Variants in SPATA17 observed in about 807,000 individuals in gnomAD.
The protein encoded by SPATA17 is spermatogenesis associated 17.
Under a neutral mutation model 62.2 loss-of-function variants are expected in SPATA17, and 53 were observed. The observed-to-expected ratio is 0.85, with a 90% CI of 0.68 to 1.07. The LOEUF (loss-of-function observed/expected upper bound fraction) is 1.07, where lower values mean the gene tolerates loss of function less well. Ranked by LOEUF, SPATA17 falls within the 50% of genes least tolerant of loss-of-function variation. SPATA17 has a pLI of 0.00. For missense variants in SPATA17, 466 were observed against 425.5 expected, an observed-to-expected ratio of 1.10 and a Z score of -0.84; for synonymous variants, 146 against 146.8, an observed-to-expected ratio of 0.99 and a Z score of 0.04.
chr1:217,680,922 T>TAA lies in SPATA17; in HGVS notation c.292-2313_292-2312dup, dbSNP rs71166016. 3.1e-3 allele frequency among the ~76,000 whole-genome samples: 181 copies of TAA among 58,140 alleles called. 1 individual carries two copies. The highest frequency in any genetic ancestry group is 4.4e-3 in the Non-Finnish European group (143 of 32,246). The allele number at this position is 58,140 out of a possible 152,430, so 38.1% of individuals were successfully genotyped here. ...ACTGGGTGACAGAGTGAGACTCTGT[T>TAA]AAAAAAAAAAAAAAAAAAAAAAAAG... On this transcript the variant is annotated intron_variant, in intron 4 of 10. Transcript: ENST00000366933.
chr1:217,740,187 A>G (rs970530148), intron 5 of SPATA17, among the ~76,000 whole-genome samples: 2 of 131,370 alleles, frequency 1.5e-5, no homozygotes, highest in Admixed American at 1.6e-4. Flanking sequence ...AGACCTTTTC[A>G]TATTTATTAA....
At chr1:217,708,733 A>G (rs1671793259) in intron 5 of SPATA17, among the ~76,000 whole-genome samples, 2 of 152,172 alleles carry the variant, frequency 1.3e-5, no homozygotes. Context: ...ACAACAAAAA[A>G]AAAAACTTCA....
intron 5 of SPATA17, among the ~76,000 whole-genome samples, chr1:217,715,986 G>A (rs184234031): frequency 4.1e-4 from 62 of 152,174 alleles, no homozygotes; most frequent in African/African-American, 1.4e-3. Context: ...AATATGCGTC[G>A]AGTTTCTAGG....
chr1:217,727,857 A>C (rs1672305197), intron 5 of SPATA17, among the ~76,000 whole-genome samples: 2 of 152,216 alleles, frequency 1.3e-5, no homozygotes, highest in African/African-American at 4.8e-5. Flanking sequence ...CAAGTTACTT[A>C]CTATCTCTGC....
At chr1:217,775,397 C>T (rs919526308) in intron 7 of SPATA17, among the ~76,000 whole-genome samples, 2 of 152,094 alleles carry the variant, frequency 1.3e-5, no homozygotes, top group East Asian at 1.9e-4. Flanking sequence ...TACTCTGTTA[C>T]AGTGTCTTGC....
At chr1:217,850,738 T>C (rs1675631790) in intron 9 of SPATA17, 1 of 792,604 alleles carries the variant, frequency 1.3e-6, no homozygotes, top group Admixed American at 2.9e-5. Flanking sequence ...CCCTCCAGAA[T>C]ATTTTATTCA....
At chr1:217,678,205 C>CTTT (rs974715757) in intron 4 of SPATA17, among the ~76,000 whole-genome samples, 85 of 107,498 alleles carry the variant, frequency 7.9e-4, no homozygotes, top group East Asian at 1.1e-3. Flanking sequence ...CTTTTCTTTT[C>CTTT]TTTTTTTTTT....
intron 9 of SPATA17, among the ~76,000 whole-genome samples, chr1:217,849,541 A>G (rs556371579): frequency 1.3e-5 from 2 of 151,790 alleles, no homozygotes; most frequent in South Asian, 4.2e-4. Flanking sequence ...ATTAAGAAAT[A>G]AAAAAAAATT....
chr1:217,774,790 G>T (rs1673548616), intron 7 of SPATA17, among the ~76,000 whole-genome samples: 1 of 152,080 alleles, frequency 6.6e-6, no homozygotes, highest in Non-Finnish European at 1.5e-5. Flanking sequence ...TTAGCACGAT[G>T]TTCTTAAAGT....
At chr1:217,657,705 G>A (rs943548714) in intron 3 of SPATA17, among the ~76,000 whole-genome samples, 3 of 151,810 alleles carry the variant, frequency 2.0e-5, no homozygotes, top group Non-Finnish European at 2.9e-5. Context: ...TAAAACTTTA[G>A]TAATAGAACC....
chr1:217,761,011 A>G (rs1215496044), intron 6 of SPATA17, among the ~76,000 whole-genome samples: 1 of 152,190 alleles, frequency 6.6e-6, no homozygotes, highest in African/African-American at 2.4e-5. Context: ...ATACGTAGAA[A>G]TGGTGCATAA....
chr1:217,821,297 T>C (rs746515711), intron 9 of SPATA17, among the ~76,000 whole-genome samples: 1 of 151,962 alleles, frequency 6.6e-6, no homozygotes, highest in Non-Finnish European at 1.5e-5. Context: ...AGGAGAAGTT[T>C]TGAGGAATGC....
At position 217,676,319 on chromosome 1, in the gene SPATA17, T is replaced by C. The variant is rs148975510; in HGVS notation, c.292-6939T>C. Among the ~76,000 whole-genome samples the C allele has an allele frequency of 3.3e-5, 5 of 152,252 alleles. No individual in the cohort carries two copies. In the East Asian group the frequency reaches 9.6e-4, roughly 29 times the overall value. ...TGTAACAAATGATAACAAAGAGAAT[T>C]TGTCATTTCTTTGCTGGTTGAAGTC... On this transcript the variant is annotated intron_variant, in intron 4 of 10. Coordinates refer to ENST00000366933, the MANE Select transcript of SPATA17 (RefSeq NM_138796.4).
rs1429775089 is a variant in SPATA17, at chr1:217,801,833, A to T, written c.988A>T (p.Lys330Ter). 6.2e-6 allele frequency: 10 copies of T among 1,608,000 alleles called. No homozygotes were observed. Among genetic ancestry groups the T allele is most frequent in the Non-Finnish European group, 5.9e-6 (7 of 1,178,364 alleles). ...ACAATTCCGAAGTGAAAATCCTAAG[A>T]AATGGATCTGTGACAAGGTGAGTTA... is the stretch of plus-strand genomic sequence containing the variant. Reference protein sequence around the residue: ...KEQFRSENPKKWICDKDFQTV... With the variant: ...KEQFRSENPK The change falls in exon 9 of 11, where the codon AAA (lysine) becomes TAA (stop). Residue 330 changes from lysine to a stop codon, truncating the protein, a stop_gained. Coordinates refer to ENST00000366933, the MANE Select transcript of SPATA17 (RefSeq NM_138796.4). LOFTEE classifies it high-confidence loss of function.
intron 5 of SPATA17, among the ~76,000 whole-genome samples, chr1:217,732,084 T>TTCTC (rs60691625): frequency 2.8e-4 from 41 of 148,834 alleles, no homozygotes; most frequent in Admixed American, 9.4e-4. Flanking sequence ...TTACTCCAGT[T>TTCTC]TCTCTCTCTC....
intron 9 of SPATA17, among the ~76,000 whole-genome samples, chr1:217,818,688 G>A (rs1463818214): frequency 6.6e-6 from 1 of 151,748 alleles, no homozygotes; most frequent in Non-Finnish European, 1.5e-5. Context: ...GTACATAGTG[G>A]TTCCTTTCAA....
At chr1:217,697,756 T>A (rs983317154) in intron 5 of SPATA17, among the ~76,000 whole-genome samples, 1 of 152,156 alleles carries the variant, frequency 6.6e-6, no homozygotes, top group Non-Finnish European at 1.5e-5. Flanking sequence ...TTAAAATATG[T>A]TTTATCATGC....
chr1:217,712,512 T>C (rs751100615), intron 5 of SPATA17, among the ~76,000 whole-genome samples: 223 of 152,272 alleles, frequency 1.5e-3, no homozygotes, highest in Non-Finnish European at 2.7e-3. Flanking sequence ...ATTGGTAGGA[T>C]GTTGGACCTC....
chr1:217,789,556 A>G (rs1277358787), intron 8 of SPATA17, among the ~76,000 whole-genome samples: 2 of 152,212 alleles, frequency 1.3e-5, no homozygotes, highest in African/African-American at 4.8e-5. Context: ...AAGAGTTTTT[A>G]AAGGCAGGAG....
Sources: gnomAD v4.1 joint callset for allele counts (sites outside exome capture counted in the v4.1 genomes callset) on GRCh38, gnomAD v4.1.1 for gene constraint, MANE v1.5 for transcripts, NCBI Gene and HGNC (gene_info 2026-07-23, HGNC 2026-07-21) for gene names.